The following HOMER1 variants were observed in gnomAD, a reference collection of about 807,000 sequenced individuals.
HOMER1 encodes homer protein homolog 1.
A neutral mutation model predicts 48.9 loss-of-function variants in HOMER1; 3 were observed. The ratio of observed to expected loss-of-function variants is 0.06; its 90% CI spans 0.03 to 0.16. HOMER1 has a LOEUF of 0.16. Ranked by LOEUF, HOMER1 falls within the 10% of genes least tolerant of loss-of-function variation. The probability of loss-of-function intolerance (pLI) is 1.00; values close to 1 mark genes in which losing one functional copy is unlikely to be tolerated. For missense variants in HOMER1, 247 were observed against 411.4 expected (o/e 0.60, Z 3.46); for synonymous variants, 134 against 146.4 (o/e 0.92, Z 0.61).
At chr5:79,488,787 C>A (rs1266071527) in intron 1 of HOMER1, among the ~76,000 whole-genome samples, 1 of 152,174 alleles carries the variant, frequency 6.6e-6, no homozygotes. Flanking sequence ...TTACCTAAAT[C>A]TTAAAGCTAG....
Position 79,374,824 on chromosome 5 carries a change from T to C in HOMER1, c.*1185A>G, listed in dbSNP as rs1748721193. On this transcript the variant is annotated 3_prime_UTR_variant, in exon 9 of 9. Coordinates refer to ENST00000334082, the MANE Select transcript of HOMER1 (RefSeq NM_004272.5). ...AAACCTGTTCACTGAGAAGAGCCTA[T>C]TGAATTTAATTCCTGTTTTGAAATA... 1 of 152,116 alleles carries C rather than the reference T, an allele frequency of 6.6e-6. No individual in the cohort carries two copies. Among genetic ancestry groups the C allele is most frequent in the Admixed American group, 6.5e-5 (1 of 15,272 alleles). 9.4% of individuals were successfully genotyped at this position (152,116 alleles called of 1,614,324 possible). A position where few individuals can be genotyped will look rare whatever the true frequency, so the allele number is the denominator to read the frequency against.
chr5:79,418,042 T>C (rs9293780), intron 5 of HOMER1, among the ~76,000 whole-genome samples: 31,955 of 152,200 alleles, frequency 0.21, 3,468 homozygotes, highest in South Asian at 0.32. Context: ...TCAGTTTAAA[T>C]TTGTTTTTGA....
At chr5:79,466,258 GT>G (rs2112316457) in intron 1 of HOMER1, among the ~76,000 whole-genome samples, 1 of 152,074 alleles carries the variant, frequency 6.6e-6, no homozygotes, top group East Asian at 1.9e-4. Flanking sequence ...GCTCATACCT[GT>G]AATCCCAGCA....
At chr5:79,487,139 C>T (rs1196787427) in intron 1 of HOMER1, among the ~76,000 whole-genome samples, 1 of 152,052 alleles carries the variant, frequency 6.6e-6, no homozygotes, top group East Asian at 1.9e-4. Flanking sequence ...ATTAGCCAAG[C>T]GTGGTGGCGC....
intron 1 of HOMER1, among the ~76,000 whole-genome samples, chr5:79,458,231 A>C (rs1416535384): frequency 6.6e-6 from 1 of 152,178 alleles, no homozygotes; most frequent in East Asian, 1.9e-4. Context: ...ATCGTAATTC[A>C]AAAATTTCCA....
chr5:79,496,638 C>T (rs924633931), intron 1 of HOMER1, among the ~76,000 whole-genome samples: 19 of 152,132 alleles, frequency 1.2e-4, no homozygotes, highest in African/African-American at 4.3e-4. Context: ...CACTGATTCA[C>T]AAAAAGCTTT....
At chr5:79,464,229 G>GA (rs954736915) in intron 1 of HOMER1, among the ~76,000 whole-genome samples, 1 of 152,190 alleles carries the variant, frequency 6.6e-6, no homozygotes, top group Non-Finnish European at 1.5e-5. Context: ...AGGAATAAGG[G>GA]AAAGTAGGAG....
rs141795869 is a variant in HOMER1, at chr5:79,430,200, A to G, written c.527+8810T>C. On this transcript the variant is annotated intron_variant, in intron 5 of 8. Transcript: ENST00000334082. Reference sequence around the variant, plus strand: ...CAAAGAGACAAACAGTCTAATTAAAAATGAGCAAAGGATCTGAACAGCCAT... The same window carrying G: ...CAAAGAGACAAACAGTCTAATTAAAGATGAGCAAAGGATCTGAACAGCCAT... Among the ~76,000 whole-genome samples the G allele has an allele frequency of 9.8e-4, 149 of 152,332 alleles. 1 individual carries two copies. The highest frequency in any genetic ancestry group is 2.7e-3 in the East Asian group (14 of 5,190).
At chr5:79,467,288 G>A (rs574827590) in intron 1 of HOMER1, among the ~76,000 whole-genome samples, 1 of 151,208 alleles carries the variant, frequency 6.6e-6, no homozygotes, top group South Asian at 2.1e-4. Context: ...CTACTCAGGA[G>A]GCTGAGGCAG....
At chr5:79,476,412 C>T (rs73770429) in intron 1 of HOMER1, among the ~76,000 whole-genome samples, 5,435 of 152,162 alleles carry the variant, frequency 0.036, 348 homozygotes, top group African/African-American at 0.12. Flanking sequence ...TGACACTCTA[C>T]CTGGAGATAG....
At chr5:79,508,584 G>T (rs1339536927) in intron 1 of HOMER1, among the ~76,000 whole-genome samples, 6 of 152,164 alleles carry the variant, frequency 3.9e-5, no homozygotes. Context: ...AAACTCCTTT[G>T]CAGTTCCTCG....
At chr5:79,487,987 G>T (rs1482064312) in intron 1 of HOMER1, among the ~76,000 whole-genome samples, 1 of 152,068 alleles carries the variant, frequency 6.6e-6, no homozygotes, top group Non-Finnish European at 1.5e-5. Flanking sequence ...AATGTATAGG[G>T]GTTAATTATA....
At chr5:79,387,846 AC>A (rs1199368598) in intron 8 of HOMER1, among the ~76,000 whole-genome samples, 4 of 152,242 alleles carry the variant, frequency 2.6e-5, no homozygotes, top group Admixed American at 2.6e-4. Flanking sequence ...TATAAACTAT[AC>A]AAACTATACA....
intron 5 of HOMER1, among the ~76,000 whole-genome samples, chr5:79,418,497 C>T (rs1283477079): frequency 6.6e-6 from 1 of 152,154 alleles, no homozygotes; most frequent in Non-Finnish European, 1.5e-5. Flanking sequence ...CGGACATTTG[C>T]TTTGCTGTTT....
Position 79,456,848 on chromosome 5 carries a change from T to C in HOMER1, c.162+14A>G. 1 of 1,606,190 alleles carries C rather than the reference T, an allele frequency of 6.2e-7. No individual in the cohort carries two copies. Among genetic ancestry groups the C allele is most frequent in the Non-Finnish European group, 8.5e-7 (1 of 1,174,288 alleles). ...GCAAAACCAGCCAAATCATTCAAAG[T>C]AAACGTAGCTTACCTTTGAGCCATC... On this transcript the variant is annotated intron_variant, in intron 2 of 8. Coordinates refer to ENST00000334082, the MANE Select transcript of HOMER1 (RefSeq NM_004272.5).
chr5:79,400,636 T>C (rs907735086), intron 6 of HOMER1, among the ~76,000 whole-genome samples: 3 of 150,530 alleles, frequency 2.0e-5, no homozygotes, highest in Non-Finnish European at 3.0e-5. Flanking sequence ...GGATTATAGG[T>C]GTGAGCCAAT....
chr5:79,453,961 T>C (rs144721329), intron 2 of HOMER1, among the ~76,000 whole-genome samples: 400 of 152,200 alleles, frequency 2.6e-3, no homozygotes, highest in African/African-American at 9.5e-3. Flanking sequence ...TTTAGAAAAG[T>C]AATTAGAAAA....
At chr5:79,401,693 G>A (rs1403801935) in intron 6 of HOMER1, among the ~76,000 whole-genome samples, 2 of 152,114 alleles carry the variant, frequency 1.3e-5, no homozygotes, top group African/African-American at 4.8e-5. Flanking sequence ...ATGGTTTGTT[G>A]ACTTCAAAAG....
intron 8 of HOMER1, among the ~76,000 whole-genome samples, chr5:79,396,528 T>C (rs1456134020): frequency 6.6e-6 from 1 of 151,962 alleles, no homozygotes; most frequent in Non-Finnish European, 1.5e-5. Context: ...ATTACAAGTA[T>C]GAGCCACCAT....
Sources: allele counts gnomAD v4.1 joint callset (sites outside exome capture counted in the v4.1 genomes callset), GRCh38; gene constraint gnomAD v4.1.1; transcripts MANE v1.5; gene names NCBI Gene and HGNC (gene_info 2026-07-23, HGNC 2026-07-21).